Variants in SLC35F3 observed in about 807,000 individuals in gnomAD.
SLC35F3 encodes the protein solute carrier family 35 member F3.
In SLC35F3, 25 loss-of-function variants were observed where a neutral mutation model predicts 49.9. That is an observed-to-expected ratio of 0.50 (90% CI 0.37 to 0.70). The LOEUF (loss-of-function observed/expected upper bound fraction) is 0.70, where lower values mean the gene tolerates loss of function less well. SLC35F3 is among the 30% of genes least tolerant of loss of function. The pLI, the probability that SLC35F3 is intolerant of heterozygous loss-of-function variation, is 0.00. For synonymous variants in SLC35F3, 275 were observed against 265.4 expected (o/e 1.04, Z -0.35); for missense variants, 525 against 639.8 (o/e 0.82, Z 1.94).
At chr1:234,165,025 C>T (rs1229883447) in intron 2 of SLC35F3, among the ~76,000 whole-genome samples, 3 of 146,552 alleles carry the variant, frequency 2.0e-5, no homozygotes, top group East Asian at 2.0e-4. Flanking sequence ...GTCAGCTTAC[C>T]TCTAGCTTCA....
intron 2 of SLC35F3, among the ~76,000 whole-genome samples, chr1:233,914,179 A>G (rs1352838273): frequency 6.6e-6 from 1 of 152,088 alleles, no homozygotes; most frequent in East Asian, 1.9e-4. Flanking sequence ...GATCCATGCT[A>G]ACTCACTCAG....
At chr1:234,127,764 A>G (rs1277723310) in intron 2 of SLC35F3, among the ~76,000 whole-genome samples, 1 of 152,240 alleles carries the variant, frequency 6.6e-6, no homozygotes, top group African/African-American at 2.4e-5. Flanking sequence ...ACGAGTTTAC[A>G]TTAGAATAGA....
At chr1:234,230,761 A>G (rs905402669) in intron 2 of SLC35F3, among the ~76,000 whole-genome samples, 1 of 152,222 alleles carries the variant, frequency 6.6e-6, no homozygotes, top group Non-Finnish European at 1.5e-5. Flanking sequence ...TTTTAAGTAA[A>G]GCTTCGAAGT....
intron 3 of SLC35F3, among the ~76,000 whole-genome samples, chr1:234,289,424 G>A (rs1020500364): frequency 1.3e-5 from 2 of 152,192 alleles, no homozygotes; most frequent in Non-Finnish European, 2.9e-5. Flanking sequence ...GGTTAAGTCT[G>A]TAGGCCTCCC....
chr1:234,184,215 A>G (rs1666601940), intron 2 of SLC35F3, among the ~76,000 whole-genome samples: 1 of 151,914 alleles, frequency 6.6e-6, no homozygotes, highest in Non-Finnish European at 1.5e-5. Flanking sequence ...CTTAGGAACC[A>G]TAATGATCTT....
chr1:233,971,290 T>A (rs1430987335), intron 2 of SLC35F3, among the ~76,000 whole-genome samples: 1 of 152,126 alleles, frequency 6.6e-6, no homozygotes, highest in Non-Finnish European at 1.5e-5. Flanking sequence ...TGAACCTCAT[T>A]ACGAAGGAGA....
At chr1:234,128,228 G>T (rs1665678056) in intron 2 of SLC35F3, among the ~76,000 whole-genome samples, 1 of 150,668 alleles carries the variant, frequency 6.6e-6, no homozygotes, top group Non-Finnish European at 1.5e-5. Context: ...GAGAGCTAGT[G>T]TGTCTGGGGC....
chr1:233,935,308 A>T (rs1662306409), intron 2 of SLC35F3, among the ~76,000 whole-genome samples: 1 of 147,480 alleles, frequency 6.8e-6, no homozygotes. Flanking sequence ...CCAAAAGTGG[A>T]CACACATCTT....
At chr1:233,920,625 C>T (rs1370825376) in intron 2 of SLC35F3, among the ~76,000 whole-genome samples, 1 of 152,196 alleles carries the variant, frequency 6.6e-6, no homozygotes, top group African/African-American at 2.4e-5. Flanking sequence ...TGCGTGGGAC[C>T]TGTGACTAAC....
intron 2 of SLC35F3, among the ~76,000 whole-genome samples, chr1:234,133,949 A>C (rs888942009): frequency 3.9e-5 from 6 of 152,224 alleles, no homozygotes; most frequent in Admixed American, 3.9e-4. Context: ...ATATGTGACC[A>C]CATGGCTCTA....
chr1:234,195,620 C>A (rs1421971092), intron 2 of SLC35F3, among the ~76,000 whole-genome samples: 1 of 152,070 alleles, frequency 6.6e-6, no homozygotes, highest in Non-Finnish European at 1.5e-5. Context: ...TTTACTTTCT[C>A]TAGAGACCAT....
chr1:234,024,220 TAA>T (rs141020545), intron 2 of SLC35F3, among the ~76,000 whole-genome samples: 1 of 144,400 alleles, frequency 6.9e-6, no homozygotes. Context: ...ACGCTTCTGA[TAA>T]AAAAAAAAAG....
At chr1:234,230,744 T>C (rs762771675) in intron 2 of SLC35F3, among the ~76,000 whole-genome samples, 13 of 151,970 alleles carry the variant, frequency 8.6e-5, no homozygotes, top group Admixed American at 2.6e-4. Context: ...CTGCCAGAGG[T>C]TGTGGTTTTT....
intron 2 of SLC35F3, among the ~76,000 whole-genome samples, chr1:234,157,284 T>A (rs1054304226): frequency 6.6e-5 from 10 of 152,134 alleles, no homozygotes; most frequent in African/African-American, 2.4e-4. Flanking sequence ...TTTTTCTTTT[T>A]TATATTCTCA....
intron 2 of SLC35F3, among the ~76,000 whole-genome samples, chr1:234,211,026 G>C (rs1667039178): frequency 6.6e-6 from 1 of 152,238 alleles, no homozygotes. Flanking sequence ...CTGCATCCGA[G>C]CTGCTCCAGC....
chr1:233,918,116 G>A (rs1210304981), intron 2 of SLC35F3, among the ~76,000 whole-genome samples: 1 of 152,228 alleles, frequency 6.6e-6, no homozygotes, highest in Non-Finnish European at 1.5e-5. Flanking sequence ...TTTGTGCTGA[G>A]CACGTGGAAG....
chr1:234,267,512 C>T (rs1377577548), intron 3 of SLC35F3, among the ~76,000 whole-genome samples: 11 of 142,536 alleles, frequency 7.7e-5, no homozygotes, highest in South Asian at 2.2e-4. Flanking sequence ...GGGGGGCTGA[C>T]CCCCCCACCT....
rs573233922 is a variant in SLC35F3, at chr1:234,168,007, G to A, written c.284-63410G>A. On this transcript the variant is annotated intron_variant, in intron 2 of 7. Coordinates refer to ENST00000366618, the MANE Select transcript of SLC35F3 (RefSeq NM_173508.4). ...TGCCATTGTAGCCCAAGAGTAGTCA[G>A]TGACAATTCCTGCACACTTGTGTGT... Among the ~76,000 whole-genome samples the A allele has an allele frequency of 3.3e-5, 5 of 152,330 alleles. No homozygotes were observed. The South Asian group carries it at 1.0e-3, about 32-fold the overall frequency.
At chr1:233,975,894 G>A (rs79134106) in intron 2 of SLC35F3, among the ~76,000 whole-genome samples, 4,328 of 152,280 alleles carry the variant, frequency 0.028, 84 homozygotes, top group Non-Finnish European at 0.045. Flanking sequence ...TTGAAGATGT[G>A]CTTCAATAAA....
Sources: allele counts gnomAD v4.1 joint callset (sites outside exome capture counted in the v4.1 genomes callset), GRCh38; gene constraint gnomAD v4.1.1; transcripts MANE v1.5; gene names NCBI Gene and HGNC (gene_info 2026-07-23, HGNC 2026-07-21).